DYM: variants seen among roughly 807,000 people sequenced by gnomAD.
The protein encoded by DYM is dymeclin, also known as dyggve-Melchior-Clausen syndrome protein.
Under a neutral mutation model 93.1 loss-of-function variants are expected in DYM, and 78 were observed. That is an observed-to-expected ratio of 0.84 (90% CI 0.70 to 1.01). The LOEUF (loss-of-function observed/expected upper bound fraction) is 1.01. Ranked by LOEUF, DYM falls within the 50% of genes least tolerant of loss-of-function variation. The pLI is 0.00. For missense variants in DYM, 789 were observed against 845.0 expected (o/e 0.93, Z 0.82); for synonymous variants, 321 against 319.7 (o/e 1.00, Z -0.04).
At position 49,453,236 on chromosome 18, in the gene DYM, G is replaced by A. The variant is rs953221004; in HGVS notation, c.-54+7162C>T. On this transcript the variant is annotated intron_variant, in intron 1 of 17. Transcript: ENST00000675505. The stretch of plus-strand genomic sequence containing the variant: ...TGTGTCGAGCTCAGGGATTGTACAC[G>A]CACCAATCAGCACCCTGTAAAATGG... Among the ~76,000 whole-genome samples, 2 of 149,692 alleles carry A rather than the reference G, an allele frequency of 1.3e-5. 1 individual carries two copies. The highest frequency in any genetic ancestry group is 3.0e-5 in the Non-Finnish European group (2 of 67,002).
chr18:49,291,058 C>T (rs564104994), intron 8 of DYM, among the ~76,000 whole-genome samples: 3 of 152,200 alleles, frequency 2.0e-5, no homozygotes, highest in Admixed American at 6.5e-5. Flanking sequence ...AACATGTTAG[C>T]TCTGATTATA....
intron 17 of DYM, among the ~76,000 whole-genome samples, chr18:49,081,802 G>C (rs2078066628): frequency 1.3e-5 from 2 of 152,180 alleles, no homozygotes; most frequent in African/African-American, 2.4e-5. Context: ...TTTCAGGCCA[G>C]AAAGGCTCTG....
rs1599274873 is a variant in DYM at position 49,038,805 on chromosome 18, T to C, written c.*5250A>G. ...TATACACTTTTATTGATATCTCAAA[T>C]ATTATCATGCATACATGAGTTATCA... On this transcript the variant is annotated 3_prime_UTR_variant, in exon 18 of 18. Transcript: ENST00000675505. Among the ~76,000 whole-genome samples the C allele has an allele frequency of 1.3e-5, 2 of 152,248 alleles. No homozygotes were observed. The highest frequency in any genetic ancestry group is 2.9e-5 in the Non-Finnish European group (2 of 68,044).
intron 11 of DYM, among the ~76,000 whole-genome samples, chr18:49,267,218 G>A (rs940720774): frequency 2.6e-5 from 4 of 151,038 alleles, no homozygotes; most frequent in Non-Finnish European, 5.9e-5. Flanking sequence ...AAAAAGAAGA[G>A]GTAATAAGAG....
At chr18:49,170,779 T>C (rs4424966) in intron 14 of DYM, among the ~76,000 whole-genome samples, 35,048 of 59,222 alleles carry the variant, frequency 0.59, 8,919 homozygotes, top group Non-Finnish European at 0.66. Flanking sequence ...AGACTCCGTC[T>C]CAAAAAAAAA....
intron 15 of DYM, among the ~76,000 whole-genome samples, chr18:49,128,382 T>C (rs1248710206): frequency 6.6e-6 from 1 of 152,246 alleles, no homozygotes; most frequent in Non-Finnish European, 1.5e-5. Context: ...TTAGACTATA[T>C]TGGTGTTTTA....
chr18:49,047,722 G>C (rs1054117107), intron 17 of DYM, among the ~76,000 whole-genome samples: 40 of 152,232 alleles, frequency 2.6e-4, no homozygotes, highest in Admixed American at 2.2e-3. Flanking sequence ...GCCCGACATG[G>C]GGTTCTCAGG....
chr18:49,122,506 G>A (rs1363187208), intron 15 of DYM, among the ~76,000 whole-genome samples: 1 of 152,202 alleles, frequency 6.6e-6, no homozygotes, highest in African/African-American at 2.4e-5. Context: ...ATGATCTGAG[G>A]TGGAACTGAG....
chr18:49,137,840 C>G (rs1568479080), intron 15 of DYM, among the ~76,000 whole-genome samples: 1 of 152,180 alleles, frequency 6.6e-6, no homozygotes, highest in Non-Finnish European at 1.5e-5. Flanking sequence ...GTAGTGAACA[C>G]AACTCATTTA....
At chr18:49,257,682 T>TA (rs1360344089) in intron 12 of DYM, among the ~76,000 whole-genome samples, 22 of 85,600 alleles carry the variant, frequency 2.6e-4, no homozygotes, top group Non-Finnish European at 6.6e-4. Context: ...CTTTGGCTAT[T>TA]TAAAAAAAAA....
At chr18:49,140,529 A>AT (rs1285613684) in intron 15 of DYM, among the ~76,000 whole-genome samples, 1 of 152,228 alleles carries the variant, frequency 6.6e-6, no homozygotes, top group African/African-American at 2.4e-5. Flanking sequence ...CACTTGGTTT[A>AT]TTAAGCATAA....
chr18:49,268,180 C>T (rs2094603990), intron 11 of DYM, among the ~76,000 whole-genome samples: 1 of 151,992 alleles, frequency 6.6e-6, no homozygotes, highest in African/African-American at 2.4e-5. Flanking sequence ...AATGAGATAA[C>T]AATATATATA....
At chr18:49,277,993 C>A (rs1409918560) in intron 10 of DYM, among the ~76,000 whole-genome samples, 1 of 152,102 alleles carries the variant, frequency 6.6e-6, no homozygotes. Context: ...GTTGTAGGAA[C>A]AGATGTTAGA....
chr18:49,356,171 TGTTGGGAGAA>T (rs1331797547), intron 6 of DYM, among the ~76,000 whole-genome samples: 1 of 152,212 alleles, frequency 6.6e-6, no homozygotes, highest in Non-Finnish European at 1.5e-5. Flanking sequence ...ATCAATTGTT[TGTTGGGAGAA>T]TTAAAATTTG....
At chr18:49,048,490 G>A (rs1029839859) in intron 17 of DYM, 8 of 152,246 alleles carry the variant, frequency 5.3e-5, no homozygotes, top group African/African-American at 1.2e-4. Context: ...TCTCCATTCA[G>A]TGACTTACAT....
At chr18:49,127,656 G>A (rs1184241007) in intron 15 of DYM, among the ~76,000 whole-genome samples, 1 of 152,140 alleles carries the variant, frequency 6.6e-6, no homozygotes, top group Non-Finnish European at 1.5e-5. Context: ...ATGCGCCAAT[G>A]GCCTTCAAAG....
intron 16 of DYM, among the ~76,000 whole-genome samples, chr18:49,114,075 C>G (rs1599849571): frequency 6.6e-6 from 1 of 152,288 alleles, no homozygotes; most frequent in South Asian, 2.1e-4. Context: ...GCGAAAGGGC[C>G]AATGACATAA....
chr18:49,266,931 C>T (rs1049369958), intron 11 of DYM, among the ~76,000 whole-genome samples: 5 of 151,788 alleles, frequency 3.3e-5, no homozygotes, highest in Non-Finnish European at 7.4e-5. Context: ...AATCAAAGGT[C>T]TAAGCTTCTA....
At chr18:49,404,244 G>A (rs898822034) in intron 2 of DYM, among the ~76,000 whole-genome samples, 14 of 152,092 alleles carry the variant, frequency 9.2e-5, no homozygotes, top group African/African-American at 3.1e-4. Flanking sequence ...CTGACCTCAA[G>A]TGATCCTCCC....
Sources: allele counts gnomAD v4.1 joint callset (sites outside exome capture counted in the v4.1 genomes callset), GRCh38; gene constraint gnomAD v4.1.1; transcripts MANE v1.5; gene names NCBI Gene and HGNC (gene_info 2026-07-23, HGNC 2026-07-21).